The following DENND2C variants were observed in gnomAD, a reference collection of about 807,000 sequenced individuals.
The protein encoded by DENND2C is DENN domain containing 2C.
In DENND2C, 72 loss-of-function variants were observed where a neutral mutation model predicts 112.4. The observed-to-expected ratio is 0.64, with a 90% CI of 0.53 to 0.78. The LOEUF is 0.78. Among genes scored for constraint, DENND2C ranks in the 30% least tolerant of loss-of-function variants. DENND2C has a pLI of 0.00. For synonymous variants in DENND2C, 329 were observed against 381.6 expected (o/e 0.86, Z 1.61); for missense variants, 992 against 1,113.8 (o/e 0.89, Z 1.56).
intron 3 of DENND2C, among the ~76,000 whole-genome samples, chr1:114,640,496 T>G (rs533628902): frequency 6.6e-6 from 1 of 152,350 alleles, no homozygotes; most frequent in Non-Finnish European, 1.5e-5. Flanking sequence ...CAGAGTACAC[T>G]GCATGTAAGT....
At chr1:114,667,235 A>C (rs1433860671) in intron 1 of DENND2C, among the ~76,000 whole-genome samples, 2 of 152,160 alleles carry the variant, frequency 1.3e-5, no homozygotes, top group Non-Finnish European at 2.9e-5. Flanking sequence ...ATCAGTGGTT[A>C]AATTCTATCT....
Position 114,585,254 on chromosome 1 carries a change from G to C in DENND2C, c.*346C>G, listed in dbSNP as rs1054861096. The C allele has an allele frequency of 3.8e-6, 1 of 263,552 alleles. No individual in the cohort carries two copies. Among genetic ancestry groups the C allele is most frequent in the African/African-American group, 2.2e-5 (1 of 45,894 alleles). The allele number at this position is 263,552 out of a possible 1,614,324, so 16.3% of individuals were successfully genotyped here. A position where few individuals can be genotyped will look rare whatever the true frequency, so the allele number is the denominator to read the frequency against. On this transcript the variant is annotated 3_prime_UTR_variant, in exon 21 of 21. Coordinates refer to ENST00000393274, the MANE Select transcript of DENND2C (RefSeq NM_001256404.2). ...TTTCTCTCATTATTCTCATCTTTGA[G>C]CTATTTTTTAAATGTAACAACAACA...
Position 114,600,976 on chromosome 1 carries a change from G to T in DENND2C, c.1816-16C>A. Reference sequence around the variant, plus strand: ...CATCCAGAATCTATATACGCAAAGTGTTATTTTATTATGGACTAAGTTAAA... The same window carrying T: ...CATCCAGAATCTATATACGCAAAGTTTTATTTTATTATGGACTAAGTTAAA... On this transcript the variant is annotated splice_polypyrimidine_tract_variant and intron_variant, in intron 13 of 20. Coordinates refer to ENST00000393274, the MANE Select transcript of DENND2C (RefSeq NM_001256404.2). 1 of 1,605,394 alleles carries T rather than the reference G, an allele frequency of 6.2e-7. No individual in the cohort carries two copies. The highest frequency in any genetic ancestry group is 8.5e-7 in the Non-Finnish European group (1 of 1,175,744).
chr1:114,655,156 T>C (rs1657273425), intron 1 of DENND2C, among the ~76,000 whole-genome samples: 1 of 152,176 alleles, frequency 6.6e-6, no homozygotes, highest in Non-Finnish European at 1.5e-5. Flanking sequence ...AAGCAGGTAT[T>C]ATTATCCTCA....
At chr1:114,602,290 C>A in intron 11 of DENND2C, 96 bp from the exon 12 acceptor site, 2 of 1,250,072 alleles carry the variant, frequency 1.6e-6, no homozygotes, top group Admixed American at 2.1e-5. Flanking sequence ...CAACAGTAGT[C>A]ATTTTGTGAT....
intron 1 of DENND2C, among the ~76,000 whole-genome samples, chr1:114,661,586 C>A (rs1657492675): frequency 6.6e-6 from 1 of 152,120 alleles, no homozygotes; most frequent in Admixed American, 6.6e-5. Flanking sequence ...TTTTAATTTT[C>A]ATTTGCAACA....
intron 11 of DENND2C, 68 bp from the exon 12 acceptor site, chr1:114,602,262 C>T: frequency 6.6e-7 from 1 of 1,513,740 alleles, no homozygotes; most frequent in Non-Finnish European, 9.1e-7. Flanking sequence ...ATGGAACAAA[C>T]AATTGAAAAC....
chr1:114,587,240 TCTCA>T, intron 20 of DENND2C, 143 bp downstream of exon 20: 1 of 800,996 alleles, frequency 1.2e-6, no homozygotes, highest in Non-Finnish European at 2.1e-6. Context: ...AGGGATGGGG[TCTCA>T]CTATGTTGCC....
intron 8 of DENND2C, 35 bp downstream of exon 8, chr1:114,618,351 G>T: frequency 1.4e-6 from 2 of 1,397,660 alleles, no homozygotes; most frequent in Non-Finnish European, 2.0e-6. Flanking sequence ...TATCCTGACA[G>T]CTACAGGATA....
At chr1:114,664,327 C>T (rs1208293725) in intron 1 of DENND2C, among the ~76,000 whole-genome samples, 3 of 152,004 alleles carry the variant, frequency 2.0e-5, no homozygotes, top group Non-Finnish European at 2.9e-5. Context: ...TGATTGTGAA[C>T]GGAAGCTGGG....
intron 1 of DENND2C, among the ~76,000 whole-genome samples, chr1:114,664,544 A>G (rs948476425): frequency 6.6e-6 from 1 of 151,908 alleles, no homozygotes; most frequent in African/African-American, 2.4e-5. Flanking sequence ...CAATGGCACA[A>G]TCTCAGCTCA....
intron 12 of DENND2C, 96 bp from the exon 13 acceptor site, chr1:114,601,681 T>C: frequency 9.6e-7 from 1 of 1,036,472 alleles, no homozygotes; most frequent in South Asian, 1.6e-5. Context: ...TACTCTTTAG[T>C]ACGGAGCAGT....
chr1:114,652,529 C>T (rs1278851997), intron 2 of DENND2C, among the ~76,000 whole-genome samples: 1 of 151,926 alleles, frequency 6.6e-6, no homozygotes, highest in Non-Finnish European at 1.5e-5. Context: ...TATAGTAATC[C>T]CTTGGTATGT....
chr1:114,590,703 C>T (rs947656059), intron 18 of DENND2C, among the ~76,000 whole-genome samples: 3 of 141,052 alleles, frequency 2.1e-5, no homozygotes, highest in Non-Finnish European at 4.5e-5. Context: ...GTGTGAACCC[C>T]GGAGGGTGGA....
chr1:114,623,652 A>G lies in DENND2C; in HGVS notation c.807-9T>C. 6.3e-7 allele frequency: 1 copy of G among 1,579,136 alleles called. No individual in the cohort carries two copies. Among genetic ancestry groups the G allele is most frequent in the Non-Finnish European group, 8.6e-7 (1 of 1,165,098 alleles). On this transcript the variant is annotated splice_polypyrimidine_tract_variant and intron_variant, in intron 4 of 20. Transcript: ENST00000393274. ...CAAATTCAAAGGATTTCCTTAAAAA[A>G]GGAGATATATTTTAAAGTTATATCT...
chr1:114,641,475 T>C (rs1656835544), intron 3 of DENND2C, among the ~76,000 whole-genome samples: 1 of 152,122 alleles, frequency 6.6e-6, no homozygotes, highest in Non-Finnish European at 1.5e-5. Context: ...CATGAATGGC[T>C]AACTGCCCTC....
chr1:114,636,834 G>T (rs1235785544), intron 3 of DENND2C, among the ~76,000 whole-genome samples: 2 of 151,846 alleles, frequency 1.3e-5, no homozygotes, highest in African/African-American at 4.8e-5. Context: ...ATTCATAAGA[G>T]AATTTAGCAA....
At chr1:114,592,023 T>A (rs1655207946) in intron 18 of DENND2C, among the ~76,000 whole-genome samples, 1 of 152,036 alleles carries the variant, frequency 6.6e-6, no homozygotes, top group Non-Finnish European at 1.5e-5. Context: ...TAGCTGGAAT[T>A]ACAGGCGCGT....
chr1:114,650,352 A>T (rs1050573302), intron 2 of DENND2C, among the ~76,000 whole-genome samples: 1 of 148,472 alleles, frequency 6.7e-6, no homozygotes, highest in African/African-American at 2.5e-5. Flanking sequence ...ATTTTCAAGA[A>T]TTTCAGCAAT....
Sources: allele counts gnomAD v4.1 joint callset (sites outside exome capture counted in the v4.1 genomes callset), GRCh38; gene constraint gnomAD v4.1.1; transcripts MANE v1.5; gene names NCBI Gene and HGNC (gene_info 2026-07-23, HGNC 2026-07-21).